Variants in NEMP2 observed in about 807,000 individuals in gnomAD.
NEMP2 encodes nuclear envelope integral membrane protein 2, also known as UPF0571 transmembrane protein.
Under a neutral mutation model 54.2 loss-of-function variants are expected in NEMP2, and 53 were observed. The ratio of observed to expected loss-of-function variants is 0.98; its 90% CI spans 0.78 to 1.23. The LOEUF (loss-of-function observed/expected upper bound fraction) is 1.23. Among genes scored for constraint, NEMP2 ranks in the 50% most tolerant of loss-of-function variants. NEMP2 has a pLI of 0.00. For synonymous variants in NEMP2, 197 were observed against 190.3 expected (o/e 1.04, Z -0.29); for missense variants, 455 against 511.3 (o/e 0.89, Z 1.06).
chr2:190,566,716 A>G, the NEMP2 span, among the ~76,000 whole-genome samples: 5 of 84,908 alleles, frequency 5.9e-5, no homozygotes, highest in Admixed American at 5.0e-4. Flanking sequence ...GAGGGAAGAA[A>G]AGAAAGAAAG....
the NEMP2 span, among the ~76,000 whole-genome samples, chr2:190,617,545 T>C: frequency 6.6e-6 from 1 of 152,280 alleles, no homozygotes; most frequent in Admixed American, 6.5e-5. This position sits in a 1 kb window ranked among gnomAD's most constrained non-coding sequence, Gnocchi z 5.0. Context: ...GAATATCCAA[T>C]GGAATGAAAA....
the NEMP2 span, among the ~76,000 whole-genome samples, chr2:190,639,201 A>G: frequency 6.6e-6 from 1 of 152,192 alleles, no homozygotes; most frequent in Admixed American, 6.5e-5. Flanking sequence ...TAGTTGGGTG[A>G]TAAGGCAACT....
chr2:190,553,660 C>G, the NEMP2 span, among the ~76,000 whole-genome samples: 4 of 152,174 alleles, frequency 2.6e-5, no homozygotes, highest in East Asian at 7.7e-4. Flanking sequence ...ATCACAAAAT[C>G]TGCGTGTTGC....
the NEMP2 span, among the ~76,000 whole-genome samples, chr2:190,439,424 T>C: frequency 1.3e-5 from 2 of 152,166 alleles, no homozygotes; most frequent in African/African-American, 4.8e-5. This position sits in a 1 kb window ranked among gnomAD's most constrained non-coding sequence, Gnocchi z 5.8. Flanking sequence ...AACGTGCAGA[T>C]TTGTTGCATG....
Position 190,509,264 on chromosome 2 carries a change from G to C in NEMP2, c.1179C>G (p.Ile393Met). The change falls in exon 9 of 9, where the codon ATC becomes ATG. Residue 393 changes from isoleucine to methionine, a missense_variant. This residue lies in a region of NEMP2 where 294 missense variants were observed against 333.6 expected (regional missense o/e 0.88). Coordinates refer to ENST00000409150, the MANE Select transcript of NEMP2 (RefSeq NM_001142645.2). This position sits in a 1 kb window ranked among gnomAD's most constrained non-coding sequence, Gnocchi z 6.1. ...GGCCATACTGCTCTTCATGCAGACT[G>C]ATTTCTTCAGGTGACAAGTGGCTTC... is the stretch of plus-strand genomic sequence containing the variant. ...LGGSHLSPEE[I>M]SLHEEQYGLG... is the part of the protein sequence containing the mutation. 6.4e-7 allele frequency: 1 copy of C among 1,551,724 alleles called. No homozygotes were observed. The highest frequency in any genetic ancestry group is 8.7e-7 in the Non-Finnish European group (1 of 1,146,996).
At chr2:190,497,629 C>T in the NEMP2 span, 2 of 1,614,132 alleles carry the variant, frequency 1.2e-6, no homozygotes, top group Non-Finnish European at 1.7e-6. This position sits in a 1 kb window ranked among gnomAD's most constrained non-coding sequence, Gnocchi z 5.2. Flanking sequence ...GCTCTTCTCC[C>T]TGGGTGACCT....
At chr2:190,636,082 T>C in the NEMP2 span, among the ~76,000 whole-genome samples, 2 of 152,108 alleles carry the variant, frequency 1.3e-5, no homozygotes, top group South Asian at 4.1e-4. Context: ...TCAGGCTAGT[T>C]GCTAACTCCT....
the NEMP2 span, among the ~76,000 whole-genome samples, chr2:190,627,419 T>G: frequency 2.0e-5 from 3 of 152,236 alleles, no homozygotes; most frequent in African/African-American, 7.2e-5. The surrounding 1 kb of genome is among the most constrained non-coding windows in gnomAD (Gnocchi z 4.4). Context: ...GATATTAAGA[T>G]TTGAAGATTT....
rs117519851 is a variant in NEMP2, at chr2:190,513,014, C to T, written c.953+1439G>A. Among the ~76,000 whole-genome samples the T allele has an allele frequency of 8.3e-4, 127 of 152,270 alleles. 2 individuals are homozygous for T. In the East Asian group the frequency reaches 0.02, roughly 24 times the overall value. ...ACATTTATTCACTCCCTCTTCTAGCCTTGGTCTCATGGTCCTACCCTAGGC... is the reference window on the plus strand; with the variant it reads ...ACATTTATTCACTCCCTCTTCTAGCTTTGGTCTCATGGTCCTACCCTAGGC... On this transcript the variant is annotated intron_variant, in intron 7 of 8. Coordinates refer to ENST00000409150, the MANE Select transcript of NEMP2 (RefSeq NM_001142645.2). This position sits in a 1 kb window ranked among gnomAD's most constrained non-coding sequence, Gnocchi z 5.3.
the NEMP2 span, among the ~76,000 whole-genome samples, chr2:190,484,345 T>A: frequency 0.082 from 12,478 of 152,288 alleles, 628 homozygotes; most frequent in African/African-American, 0.11. Flanking sequence ...TAAATGTGCT[T>A]ATTTCATCAC....
At chr2:190,624,561 G>A in the NEMP2 span, 1 of 152,204 alleles carries the variant, frequency 6.6e-6, no homozygotes, top group South Asian at 2.1e-4. Flanking sequence ...ATCAACCTAT[G>A]TGTCCATCAA....
At chr2:190,472,842 T>C in the NEMP2 span, among the ~76,000 whole-genome samples, 2 of 152,070 alleles carry the variant, frequency 1.3e-5, no homozygotes, top group African/African-American at 4.8e-5. Context: ...GAGAGAAAGG[T>C]CGGGTTACCC....
the NEMP2 span, among the ~76,000 whole-genome samples, chr2:190,619,233 C>T: frequency 2.6e-5 from 4 of 151,716 alleles, no homozygotes; most frequent in Admixed American, 6.6e-5. This position sits in a 1 kb window ranked among gnomAD's most constrained non-coding sequence, Gnocchi z 5.5. Flanking sequence ...AAACAATTAG[C>T]TGGGCGTGGT....
the NEMP2 span, among the ~76,000 whole-genome samples, chr2:190,497,200 T>C: frequency 6.6e-6 from 1 of 152,116 alleles, no homozygotes; most frequent in African/African-American, 2.4e-5. The surrounding 1 kb of genome is among the most constrained non-coding windows in gnomAD (Gnocchi z 5.2). Flanking sequence ...AAAATATATT[T>C]CTTAAATATA....
At chr2:190,423,311 C>T in the NEMP2 span, among the ~76,000 whole-genome samples, 1 of 152,190 alleles carries the variant, frequency 6.6e-6, no homozygotes, top group African/African-American at 2.4e-5. The surrounding 1 kb of genome is among the most constrained non-coding windows in gnomAD (Gnocchi z 4.3). Context: ...TAGTGAATTC[C>T]TGGCAATCAC....
At chr2:190,483,120 C>T in the NEMP2 span, among the ~76,000 whole-genome samples, 1 of 151,130 alleles carries the variant, frequency 6.6e-6, no homozygotes, top group South Asian at 2.1e-4. Context: ...TCTCGATCTC[C>T]TGACCTCGTG....
the NEMP2 span, among the ~76,000 whole-genome samples, chr2:190,573,249 T>C: frequency 6.6e-6 from 1 of 152,180 alleles, no homozygotes; most frequent in Non-Finnish European, 1.5e-5. Context: ...AGGAAACAAG[T>C]AATTCCCTCA....
At chr2:190,477,961 G>A in the NEMP2 span, among the ~76,000 whole-genome samples, 1 of 152,208 alleles carries the variant, frequency 6.6e-6, no homozygotes, top group African/African-American at 2.4e-5. Context: ...GAAGAGCTGT[G>A]TGCGAAGGCA....
chr2:190,552,749 G>T, the NEMP2 span, among the ~76,000 whole-genome samples: 1 of 151,942 alleles, frequency 6.6e-6, no homozygotes, highest in South Asian at 2.1e-4. Flanking sequence ...TTGCTACGTA[G>T]AATCCCCATT....
Sources: gnomAD v4.1 joint callset for allele counts (sites outside exome capture counted in the v4.1 genomes callset) on GRCh38, gnomAD v4.1.1 for gene constraint, gnomAD v4.1.1 regional missense constraint, Gnocchi (gnomAD v3.1) non-coding constraint, MANE v1.5 for transcripts, NCBI Gene and HGNC (gene_info 2026-07-23, HGNC 2026-07-21) for gene names.